PRKCA: variants seen among roughly 807,000 people sequenced by gnomAD.
PRKCA encodes protein kinase C alpha type.
A neutral mutation model predicts 87.0 loss-of-function variants in PRKCA; 27 were observed. The observed-to-expected ratio is 0.31, with a 90% CI of 0.23 to 0.43. The LOEUF (loss-of-function observed/expected upper bound fraction) is 0.43. Ranked by LOEUF, PRKCA falls within the 20% of genes least tolerant of loss-of-function variation. PRKCA has a pLI of 1.00. For synonymous variants in PRKCA, 329 were observed against 311.1 expected (o/e 1.06, Z -0.61); for missense variants, 518 against 852.3 (o/e 0.61, Z 4.88).
chr17:66,602,429 G>C (rs1412767062), intron 3 of PRKCA, among the ~76,000 whole-genome samples: 4 of 149,516 alleles, frequency 2.7e-5, no homozygotes, highest in African/African-American at 5.0e-5. Context: ...GCTTCGGCTC[G>C]CGCACGGTGC....
intron 3 of PRKCA, among the ~76,000 whole-genome samples, chr17:66,524,101 G>C (rs973372973): frequency 2.0e-5 from 3 of 152,130 alleles, no homozygotes; most frequent in Non-Finnish European, 4.4e-5. Flanking sequence ...CATATACAGG[G>C]TGTGTGTGAG....
intron 5 of PRKCA, among the ~76,000 whole-genome samples, chr17:66,681,558 TC>T (rs951262213): frequency 2.6e-5 from 4 of 152,170 alleles, no homozygotes; most frequent in African/African-American, 9.7e-5. Context: ...TGGGTTCTCT[TC>T]TAATGCTTTG....
intron 2 of PRKCA, among the ~76,000 whole-genome samples, chr17:66,408,147 A>G (rs1911530642): frequency 6.6e-6 from 1 of 152,258 alleles, no homozygotes; most frequent in South Asian, 2.1e-4. Flanking sequence ...ACTGGAAAAG[A>G]TGCTGTAATC....
At chr17:66,566,494 T>TG (rs1968902846) in intron 3 of PRKCA, among the ~76,000 whole-genome samples, 1 of 149,736 alleles carries the variant, frequency 6.7e-6, no homozygotes, top group African/African-American at 2.4e-5. Context: ...TTTTTTTTTT[T>TG]TTTTTTTTGC....
At chr17:66,615,102 G>A (rs1026636721) in intron 3 of PRKCA, among the ~76,000 whole-genome samples, 1 of 152,046 alleles carries the variant, frequency 6.6e-6, no homozygotes. Flanking sequence ...TCCAGCCCTC[G>A]CGTTTGTGAT....
At chr17:66,451,269 G>A (rs1034425814) in intron 2 of PRKCA, among the ~76,000 whole-genome samples, 5 of 151,990 alleles carry the variant, frequency 3.3e-5, no homozygotes, top group African/African-American at 4.8e-5. Context: ...TTTGATCTAC[G>A]TGTGGATATT....
intron 8 of PRKCA, among the ~76,000 whole-genome samples, chr17:66,721,442 C>G (rs1973614745): frequency 6.6e-6 from 1 of 151,706 alleles, no homozygotes; most frequent in Admixed American, 6.6e-5. Flanking sequence ...CAGAGCAACC[C>G]CCAAGAGCTG....
intron 3 of PRKCA, among the ~76,000 whole-genome samples, chr17:66,603,749 G>A (rs1274203531): frequency 6.6e-6 from 1 of 152,080 alleles, no homozygotes; most frequent in Non-Finnish European, 1.5e-5. Flanking sequence ...CTGTACTCAT[G>A]AAACACCAGC....
intron 5 of PRKCA, among the ~76,000 whole-genome samples, chr17:66,657,458 GA>G (rs1971766664): frequency 1.3e-5 from 2 of 152,294 alleles, no homozygotes; most frequent in South Asian, 4.2e-4. Flanking sequence ...GTAATCAAAA[GA>G]GACACCTTCC....
intron 16 of PRKCA, 45 bp downstream of exon 16, chr17:66,789,024 A>C: frequency 6.2e-7 from 1 of 1,611,214 alleles, no homozygotes; most frequent in Non-Finnish European, 8.5e-7. Context: ...CATGTCCCCA[A>C]ATTCTGGGAG....
At position 66,809,743 on chromosome 17, in the gene PRKCA, GAAACTTCC is replaced by G. The variant is rs559143181; in HGVS notation, c.*5711_*5718del. The G allele has an allele frequency of 1.2e-4, 19 of 152,190 alleles. No homozygotes were observed. The highest frequency in any genetic ancestry group is 2.6e-4 in the Admixed American group (4 of 15,288). The allele number at this position is 152,190 out of a possible 1,614,324, so 9.4% of individuals were successfully genotyped here. A position where few individuals can be genotyped will look rare whatever the true frequency, so the allele number is the denominator to read the frequency against. On this transcript the variant is annotated 3_prime_UTR_variant, in exon 17 of 17. Coordinates refer to ENST00000413366, the MANE Select transcript of PRKCA (RefSeq NM_002737.3). ...ACTGGGGACAACTGCTTAAGGTTTA[GAAACTTCC>G]AAACCACAGGAAAGACATTTTTAGT...
chr17:66,567,919 A>G (rs1968949273), intron 3 of PRKCA, among the ~76,000 whole-genome samples: 6 of 152,220 alleles, frequency 3.9e-5, no homozygotes. Flanking sequence ...AAGAGAGATA[A>G]TGTACAATAT....
chr17:66,755,065 C>A (rs1359444497), intron 13 of PRKCA, among the ~76,000 whole-genome samples: 1 of 152,192 alleles, frequency 6.6e-6, no homozygotes, highest in Non-Finnish European at 1.5e-5. Context: ...TCCACAGTCA[C>A]CTTCCCGATT....
At chr17:66,303,284 C>T (rs946323583) in intron 1 of PRKCA, among the ~76,000 whole-genome samples, 1 of 152,006 alleles carries the variant, frequency 6.6e-6, no homozygotes, top group African/African-American at 2.4e-5. Flanking sequence ...GGGGATCCCT[C>T]TCCGGGCCGG....
intron 8 of PRKCA, among the ~76,000 whole-genome samples, chr17:66,701,916 T>C (rs975282376): frequency 1.3e-5 from 2 of 152,112 alleles, no homozygotes; most frequent in African/African-American, 2.4e-5. Context: ...GTCTCTTAAA[T>C]ACTTGAAAAT....
At chr17:66,550,846 G>A (rs1030326664) in intron 3 of PRKCA, among the ~76,000 whole-genome samples, 17 of 152,174 alleles carry the variant, frequency 1.1e-4, no homozygotes, top group African/African-American at 3.6e-4. Flanking sequence ...TTGCAATGCT[G>A]TATTCTGTTG....
intron 2 of PRKCA, among the ~76,000 whole-genome samples, chr17:66,445,490 C>T (rs1240494934): frequency 2.6e-5 from 4 of 152,228 alleles, no homozygotes; most frequent in African/African-American, 7.2e-5. Flanking sequence ...TCTTAGGGCA[C>T]AGGCCTAATT....
At chr17:66,607,670 CT>C (rs1178312040) in intron 3 of PRKCA, among the ~76,000 whole-genome samples, 1 of 152,100 alleles carries the variant, frequency 6.6e-6, no homozygotes, top group East Asian at 1.9e-4. Context: ...GCTTTTGCTG[CT>C]GTTTCTAGAT....
chr17:66,555,721 TA>T (rs202110612), intron 3 of PRKCA, among the ~76,000 whole-genome samples: 187 of 143,650 alleles, frequency 1.3e-3, no homozygotes, highest in African/African-American at 4.6e-3. Context: ...ATTGCAGGTT[TA>T]AAAAAAAATT....
Sources: allele counts gnomAD v4.1 joint callset (sites outside exome capture counted in the v4.1 genomes callset), GRCh38; gene constraint gnomAD v4.1.1; transcripts MANE v1.5; gene names NCBI Gene and HGNC (gene_info 2026-07-23, HGNC 2026-07-21).